The following NOX4 variants were observed in gnomAD, a reference collection of about 807,000 sequenced individuals.
NOX4 encodes the protein kidney oxidase-1.
In NOX4, 69 loss-of-function variants were observed where a neutral mutation model predicts 87.6. The observed-to-expected ratio is 0.79, with a 90% CI of 0.65 to 0.96. The LOEUF (loss-of-function observed/expected upper bound fraction) is 0.96. Ranked by LOEUF, NOX4 falls within the 40% of genes least tolerant of loss-of-function variation. The pLI is 0.00. For synonymous variants in NOX4, 275 were observed against 238.2 expected, an observed-to-expected ratio of 1.15 and a Z score of -1.42; for missense variants, 680 against 681.5, an observed-to-expected ratio of 1.00 and a Z score of 0.02.
chr11:89,412,685 T>C (rs911748952), intron 8 of NOX4, among the ~76,000 whole-genome samples: 7 of 152,136 alleles, frequency 4.6e-5, no homozygotes, highest in Admixed American at 2.0e-4. Context: ...AAAATCAAAA[T>C]TGATTGAAGA....
the NOX4 span, among the ~76,000 whole-genome samples, chr11:89,533,392 C>A: frequency 1.3e-5 from 2 of 151,740 alleles, no homozygotes; most frequent in Non-Finnish European, 2.9e-5. Flanking sequence ...AGTTCACAGT[C>A]TAGTGGGAGA....
At chr11:89,461,266 A>G (rs1945449109) in intron 2 of NOX4, among the ~76,000 whole-genome samples, 1 of 152,176 alleles carries the variant, frequency 6.6e-6, no homozygotes, top group Admixed American at 6.5e-5. Flanking sequence ...TATGTAACAA[A>G]CCTGCACGTT....
chr11:89,585,682 G>C, the NOX4 span, among the ~76,000 whole-genome samples: 4 of 152,170 alleles, frequency 2.6e-5, no homozygotes, highest in African/African-American at 9.7e-5. Context: ...TTACAGTAGA[G>C]AGTGTCCATC....
At chr11:89,472,089 T>C (rs1350853682) in intron 2 of NOX4, among the ~76,000 whole-genome samples, 1 of 152,152 alleles carries the variant, frequency 6.6e-6, no homozygotes, top group East Asian at 1.9e-4. Flanking sequence ...AGGTTTCATA[T>C]GAAAACAATG....
chr11:89,531,490 T>A, the NOX4 span, among the ~76,000 whole-genome samples: 1 of 152,194 alleles, frequency 6.6e-6, no homozygotes, highest in Non-Finnish European at 1.5e-5. Context: ...CTAAGTGACA[T>A]TGATATGGTT....
At chr11:89,493,327 G>T (rs1463679197), upstream of NOX4, among the ~76,000 whole-genome samples, 1 of 151,890 alleles carries the variant, frequency 6.6e-6, no homozygotes, top group Non-Finnish European at 1.5e-5. Context: ...AGAGGTTGCG[G>T]TGAGCCAAGA....
the NOX4 span, among the ~76,000 whole-genome samples, chr11:89,531,249 T>C: frequency 6.6e-6 from 1 of 152,248 alleles, no homozygotes; most frequent in Admixed American, 6.5e-5. Flanking sequence ...TCTCTAACCC[T>C]GCATTTCTTT....
the NOX4 span, among the ~76,000 whole-genome samples, chr11:89,568,513 A>G: frequency 1.4e-4 from 22 of 152,312 alleles, no homozygotes; most frequent in Middle Eastern, 3.4e-3. Flanking sequence ...ATTATGAAAC[A>G]CTATTGAAAG....
chr11:89,480,202 T>G (rs1275245056), intron 2 of NOX4, among the ~76,000 whole-genome samples: 1 of 152,164 alleles, frequency 6.6e-6, no homozygotes, highest in Admixed American at 6.6e-5. Flanking sequence ...ACAGTCACAC[T>G]GCAAAGGTAA....
intron 6 of NOX4, among the ~76,000 whole-genome samples, chr11:89,439,962 A>G (rs1944384373): frequency 6.6e-6 from 1 of 152,198 alleles, no homozygotes; most frequent in Non-Finnish European, 1.5e-5. Flanking sequence ...CTGAATTATA[A>G]GAACTCCATG....
At chr11:89,378,282 TC>T (rs1226190700) in intron 11 of NOX4, among the ~76,000 whole-genome samples, 1 of 152,224 alleles carries the variant, frequency 6.6e-6, no homozygotes, top group Non-Finnish European at 1.5e-5. Flanking sequence ...TCTCGTCCCT[TC>T]ATCTTCACAC....
At chr11:89,541,563 T>C in the NOX4 span, among the ~76,000 whole-genome samples, 103 of 152,294 alleles carry the variant, frequency 6.8e-4, no homozygotes, top group Admixed American at 4.1e-3. Flanking sequence ...TATCTTCTGG[T>C]TTTCAGCATA....
rs112810634 is a variant in NOX4 at position 89,419,475 on chromosome 11, C to T, written c.629+2427G>A. On this transcript the variant is annotated intron_variant, in intron 8 of 17. Coordinates refer to ENST00000263317, the MANE Select transcript of NOX4 (RefSeq NM_016931.5). ...AAATGTTATCAGTAGTAACATTTCT[C>T]ATACCAGAAGCATATCTATTAAATT... Among the ~76,000 whole-genome samples the T allele has an allele frequency of 9.2e-4, 139 of 151,772 alleles. 1 individual carries two copies. Among genetic ancestry groups the T allele is most frequent in the African/African-American group, 2.9e-3 (120 of 41,462 alleles).
chr11:89,564,257 G>C, the NOX4 span, among the ~76,000 whole-genome samples: 2 of 152,244 alleles, frequency 1.3e-5, no homozygotes, highest in South Asian at 2.1e-4. Context: ...AGTTCTGCAG[G>C]CTATACAAGG....
the NOX4 span, among the ~76,000 whole-genome samples, chr11:89,511,562 T>C: frequency 6.6e-6 from 1 of 151,964 alleles, no homozygotes; most frequent in African/African-American, 2.4e-5. Flanking sequence ...ACCGTCTAAT[T>C]GCTAACAGAA....
chr11:89,356,784 A>T (rs1938094386), intron 12 of NOX4, among the ~76,000 whole-genome samples: 2 of 152,274 alleles, frequency 1.3e-5, no homozygotes, highest in Admixed American at 1.3e-4. Context: ...CTGATACATA[A>T]TTAAGGTGCT....
Position 89,470,484 on chromosome 11 carries a change from A to C in NOX4, c.154-18589T>G, listed in dbSNP as rs1326196045. On this transcript the variant is annotated intron_variant, in intron 2 of 17. Transcript: ENST00000263317. ...TGATCCTTCAATGCCCTTATTTTAG[A>C]AAAAGAGAATACCAAAAGTGATTAC... is the stretch of plus-strand genomic sequence containing the variant. Among the ~76,000 whole-genome samples the C allele has an allele frequency of 2.0e-5, 3 of 152,176 alleles. No homozygotes were observed. In the East Asian group the frequency reaches 5.8e-4, roughly 29 times the overall value.
chr11:89,566,926 G>A, the NOX4 span, among the ~76,000 whole-genome samples: 27 of 152,244 alleles, frequency 1.8e-4, no homozygotes, highest in African/African-American at 5.5e-4. Flanking sequence ...ATATACATCC[G>A]AGCTGGCATG....
the NOX4 span, among the ~76,000 whole-genome samples, chr11:89,586,280 T>A: frequency 6.6e-6 from 1 of 152,190 alleles, no homozygotes; most frequent in Admixed American, 6.6e-5. Flanking sequence ...AGCCTTATAA[T>A]AGTAGCAGTC....
Sources: allele counts gnomAD v4.1 joint callset (sites outside exome capture counted in the v4.1 genomes callset), GRCh38; gene constraint gnomAD v4.1.1; transcripts MANE v1.5; gene names NCBI Gene and HGNC (gene_info 2026-07-23, HGNC 2026-07-21).